The following RAB38 variants were observed in gnomAD, a reference collection of about 807,000 sequenced individuals.
RAB38 encodes the protein ras-related protein Rab-38.
Under a neutral mutation model 18.4 loss-of-function variants are expected in RAB38, and 15 were observed. The ratio of observed to expected loss-of-function variants is 0.82; its 90% CI spans 0.55 to 1.26. The LOEUF is 1.26. RAB38 is among the 50% of genes most tolerant of loss of function. The probability of loss-of-function intolerance (pLI) is 0.00; values close to 1 mark genes in which losing one functional copy is unlikely to be tolerated. For missense variants in RAB38, 294 were observed against 267.4 expected, an observed-to-expected ratio of 1.10 and a Z score of -0.69; for synonymous variants, 101 against 104.4, an observed-to-expected ratio of 0.97 and a Z score of 0.20.
chr11:87,972,219 G>C, the RAB38 span, among the ~76,000 whole-genome samples: 4 of 151,984 alleles, frequency 2.6e-5, no homozygotes, highest in Non-Finnish European at 5.9e-5. Context: ...GCCTTCCTTA[G>C]CCCACATAGC....
At chr11:88,043,153 A>G in the RAB38 span, among the ~76,000 whole-genome samples, 1 of 152,276 alleles carries the variant, frequency 6.6e-6, no homozygotes, top group Non-Finnish European at 1.5e-5. Context: ...ACATTTCTAC[A>G]CTGGAATGCA....
the RAB38 span, among the ~76,000 whole-genome samples, chr11:87,941,247 G>GAGATATATATATATAGATATATATATA: frequency 3.2e-5 from 1 of 30,874 alleles, no homozygotes. Context: ...ATATATATAT[G>GAGATATATATATATAGATATATATATA]TAACTTCTAT....
At chr11:88,006,723 ATTATG>A in the RAB38 span, among the ~76,000 whole-genome samples, 67 of 151,230 alleles carry the variant, frequency 4.4e-4, no homozygotes, top group African/African-American at 1.6e-3. Context: ...CCTGAATAAC[ATTATG>A]TTAAGTTAAA....
At chr11:88,026,228 T>A in the RAB38 span, among the ~76,000 whole-genome samples, 2 of 152,024 alleles carry the variant, frequency 1.3e-5, no homozygotes, top group African/African-American at 4.8e-5. Flanking sequence ...GATTAGTGGT[T>A]GCCAGGTGTT....
intron 1 of RAB38, among the ~76,000 whole-genome samples, chr11:88,154,570 G>A (rs1943102334): frequency 6.6e-6 from 1 of 152,178 alleles, no homozygotes; most frequent in Non-Finnish European, 1.5e-5. Context: ...CCAGGCATTT[G>A]GAGCACCCAC....
the RAB38 span, among the ~76,000 whole-genome samples, chr11:87,942,826 A>C: frequency 1.3e-5 from 2 of 152,282 alleles, no homozygotes; most frequent in South Asian, 4.1e-4. Context: ...TGTCCTCCAG[A>C]TGATTCTGTC....
the RAB38 span, among the ~76,000 whole-genome samples, chr11:88,050,346 C>A: frequency 1.3e-5 from 2 of 152,176 alleles, no homozygotes; most frequent in East Asian, 3.9e-4. Flanking sequence ...ACATTTTAAT[C>A]TTTCCCTAAT....
At chr11:88,142,886 C>T (rs1292515953) in intron 2 of RAB38, among the ~76,000 whole-genome samples, 1 of 152,188 alleles carries the variant, frequency 6.6e-6, no homozygotes, top group Non-Finnish European at 1.5e-5. Flanking sequence ...ATGTGAATTG[C>T]TCCATTTTGT....
At chr11:87,976,842 TTGTGTTATATAATGTATTATATATTA>T in the RAB38 span, among the ~76,000 whole-genome samples, 8 of 54,334 alleles carry the variant, frequency 1.5e-4, 2 homozygotes, top group South Asian at 9.7e-4. Flanking sequence ...TAAATATATA[TTGTGTTATATAATGTATTATATATTA>T]TATGTTATAT....
the RAB38 span, among the ~76,000 whole-genome samples, chr11:87,918,682 A>G: frequency 2.6e-5 from 4 of 152,068 alleles, no homozygotes; most frequent in Non-Finnish European, 4.4e-5. Flanking sequence ...ACCTTTTAAG[A>G]AATGTCTATT....
chr11:87,836,717 A>G, the RAB38 span, among the ~76,000 whole-genome samples: 9,122 of 152,150 alleles, frequency 0.06, 378 homozygotes, highest in Non-Finnish European at 0.084. Flanking sequence ...GGCATAGTTT[A>G]CTCAGTTCTT....
chr11:88,072,243 A>G, the RAB38 span, among the ~76,000 whole-genome samples: 5 of 152,240 alleles, frequency 3.3e-5, no homozygotes, highest in African/African-American at 1.2e-4. Flanking sequence ...GCTAGAAATA[A>G]TAAACGCAAT....
the RAB38 span, among the ~76,000 whole-genome samples, chr11:88,060,560 A>G: frequency 0.029 from 4,462 of 152,278 alleles, 157 homozygotes; most frequent in East Asian, 0.15. Flanking sequence ...CCAAGATCAT[A>G]AAGCAAGTGA....
the RAB38 span, among the ~76,000 whole-genome samples, chr11:87,941,875 C>CA: frequency 6.6e-6 from 1 of 152,142 alleles, no homozygotes; most frequent in Non-Finnish European, 1.5e-5. Flanking sequence ...CTGAAAGACA[C>CA]AGAGACTCCC....
At chr11:87,870,652 C>A in the RAB38 span, among the ~76,000 whole-genome samples, 6 of 151,656 alleles carry the variant, frequency 4.0e-5, no homozygotes, top group Admixed American at 3.3e-4. Context: ...AAGATGCCCA[C>A]ATAAATTGGA....
At chr11:88,030,605 C>T in the RAB38 span, among the ~76,000 whole-genome samples, 423 of 152,246 alleles carry the variant, frequency 2.8e-3, no homozygotes, top group Non-Finnish European at 4.9e-3. Flanking sequence ...AACACCTCTA[C>T]GCAAATAAAC....
At position 88,113,986 on chromosome 11, in the gene RAB38, T is replaced by C; in HGVS notation, c.*2A>G. The C allele has an allele frequency of 6.2e-7, 1 of 1,614,106 alleles. No individual in the cohort carries two copies. Among genetic ancestry groups the C allele is most frequent in the East Asian group, 2.2e-5 (1 of 44,880 alleles). On this transcript the variant is annotated 3_prime_UTR_variant, in exon 3 of 3. Coordinates refer to ENST00000243662, the MANE Select transcript of RAB38 (RefSeq NM_022337.3). ...CCTACCAGACACCAGCAAAGGTGCC[T>C]ACTAGGATTTGGCACAGCCAGAGCA... is the stretch of plus-strand genomic sequence containing the variant.
the RAB38 span, among the ~76,000 whole-genome samples, chr11:87,976,705 CATATTT>C: frequency 4.1e-4 from 29 of 70,214 alleles, no homozygotes; most frequent in Admixed American, 1.1e-3. Context: ...TATATTTTTA[CATATTT>C]ATATTTCTAT....
chr11:88,004,477 A>ATG, the RAB38 span, among the ~76,000 whole-genome samples: 2 of 151,258 alleles, frequency 1.3e-5, no homozygotes. Context: ...AAGTTCCTCA[A>ATG]TATCATAAAG....
Sources: gnomAD v4.1 joint callset for allele counts (sites outside exome capture counted in the v4.1 genomes callset) on GRCh38, gnomAD v4.1.1 for gene constraint, MANE v1.5 for transcripts, NCBI Gene and HGNC (gene_info 2026-07-23, HGNC 2026-07-21) for gene names.